The following HPGDS variants were observed in gnomAD, a reference collection of about 807,000 sequenced individuals.
The protein encoded by HPGDS is hematopoietic prostaglandin D synthase, also known as GST class-sigma.
In HPGDS, 26 loss-of-function variants were observed where a neutral mutation model predicts 23.1. That is an observed-to-expected ratio of 1.13 (90% CI 0.83 to 1.56). The LOEUF is 1.56. HPGDS is among the 40% of genes most tolerant of loss of function. HPGDS has a pLI of 0.00. For synonymous variants in HPGDS, 95 were observed against 77.9 expected (o/e 1.22, Z -1.16); for missense variants, 268 against 236.4 (o/e 1.13, Z -0.88).
chr4:94,327,199 C>CAA, intron 2 of HPGDS, among the ~76,000 whole-genome samples: 1 of 151,994 alleles, frequency 6.6e-6, no homozygotes, highest in Admixed American at 6.6e-5. Context: ...GCTTGTGAGT[C>CAA]CCAATGACAG....
At chr4:94,311,517 A>G (rs1235310468) in intron 3 of HPGDS, among the ~76,000 whole-genome samples, 1 of 151,152 alleles carries the variant, frequency 6.6e-6, no homozygotes, top group Non-Finnish European at 1.5e-5. Context: ...AAGGTTTTTG[A>G]TGTGTTGCTG....
chr4:94,310,711 A>G (rs1333243025), intron 3 of HPGDS, among the ~76,000 whole-genome samples: 1 of 152,164 alleles, frequency 6.6e-6, no homozygotes, highest in South Asian at 2.1e-4. Flanking sequence ...CACTAAATCT[A>G]TAAATTACCT....
intron 2 of HPGDS, among the ~76,000 whole-genome samples, chr4:94,326,567 T>C (rs1265504575): frequency 6.6e-6 from 1 of 152,158 alleles, no homozygotes; most frequent in Non-Finnish European, 1.5e-5. Context: ...ATTTTTTTTA[T>C]AATATCTATC....
intron 3 of HPGDS, among the ~76,000 whole-genome samples, chr4:94,313,645 T>C (rs1340910159): frequency 1.3e-5 from 2 of 152,178 alleles, no homozygotes; most frequent in African/African-American, 2.4e-5. Flanking sequence ...GGAGTATCTT[T>C]GTGGCGTTCT....
chr4:94,311,027 A>T (rs934311172), intron 3 of HPGDS, among the ~76,000 whole-genome samples: 1 of 152,174 alleles, frequency 6.6e-6, no homozygotes, highest in Non-Finnish European at 1.5e-5. Context: ...CAGCTTAAGG[A>T]GATTTTTGGC....
At chr4:94,309,275 C>G (rs1756209695) in intron 3 of HPGDS, among the ~76,000 whole-genome samples, 1 of 148,220 alleles carries the variant, frequency 6.7e-6, no homozygotes, top group Non-Finnish European at 1.5e-5. Context: ...CCCGCCTCCC[C>G]CCACCCCACA....
At chr4:94,341,034 C>T (rs1721160378) in intron 1 of HPGDS, among the ~76,000 whole-genome samples, 1 of 151,358 alleles carries the variant, frequency 6.6e-6, no homozygotes, top group Non-Finnish European at 1.5e-5. Flanking sequence ...TTAGTAGAGA[C>T]GTGGTTTCGC....
chr4:94,316,669 C>A (rs990090221), intron 3 of HPGDS, among the ~76,000 whole-genome samples: 3 of 152,212 alleles, frequency 2.0e-5, no homozygotes, highest in Non-Finnish European at 4.4e-5. Flanking sequence ...TTCTTCTTCT[C>A]ATGCCATTTT....
At chr4:94,312,420 T>C (rs1429737531) in intron 3 of HPGDS, among the ~76,000 whole-genome samples, 3 of 152,214 alleles carry the variant, frequency 2.0e-5, no homozygotes, top group Non-Finnish European at 4.4e-5. Context: ...CAGGAGCAGG[T>C]TGTTCAGTTT....
intron 2 of HPGDS, among the ~76,000 whole-genome samples, chr4:94,328,989 A>G (rs1044608054): frequency 6.6e-6 from 1 of 152,216 alleles, no homozygotes; most frequent in Non-Finnish European, 1.5e-5. Context: ...CCTTTAAGTA[A>G]TGAGTGTCCC....
At chr4:94,336,560 A>C (rs529368242) in intron 1 of HPGDS, among the ~76,000 whole-genome samples, 2 of 152,360 alleles carry the variant, frequency 1.3e-5, no homozygotes, top group African/African-American at 4.8e-5. Context: ...TTCACCGCAT[A>C]TATAGATATG....
At chr4:94,336,969 C>A (rs76882292) in intron 1 of HPGDS, among the ~76,000 whole-genome samples, 4 of 91,632 alleles carry the variant, frequency 4.4e-5, no homozygotes, top group Admixed American at 3.0e-4. Context: ...CGTTTTGTTT[C>A]GTTTTGTTTT....
chr4:94,308,696 C>T lies in HPGDS; in HGVS notation c.274G>A (p.Val92Met). ...EMEQCHVDAIVDTLDDFMSCF... is the reference protein window; with the variant it reads ...EMEQCHVDAIMDTLDDFMSCF... ...GACATGAAATCATCCAGAGTGTCCA[C>T]AATAGCATCAACATGACATTGTTCC... is the stretch of plus-strand genomic sequence containing the variant. Residue 92 changes from valine to methionine, a missense_variant, in exon 4 of 6, where the codon GTG (valine) becomes ATG (methionine). Physicochemically the swap from Val to Met is conservative, Grantham distance 21. Coordinates refer to ENST00000295256, the MANE Select transcript of HPGDS (RefSeq NM_014485.3). 1 of 1,609,772 alleles carries T rather than the reference C, an allele frequency of 6.2e-7. No homozygotes were observed. The highest frequency in any genetic ancestry group is 8.5e-7 in the Non-Finnish European group (1 of 1,177,042).
rs984017026 is a variant in HPGDS at position 94,312,738 on chromosome 4, G to T, written c.227-3995C>A. Among the ~76,000 whole-genome samples, 3 of 152,250 alleles carry T rather than the reference G, an allele frequency of 2.0e-5. No homozygotes were observed. In the East Asian group the frequency reaches 5.8e-4, roughly 29 times the overall value. The stretch of plus-strand genomic sequence containing the variant: ...TGATCTGTCTAATGTTGACAGTGGG[G>T]TGTTAAAATCTCCCATTATTGTATG... On this transcript the variant is annotated intron_variant, in intron 3 of 5. Coordinates refer to ENST00000295256, the MANE Select transcript of HPGDS (RefSeq NM_014485.3).
intron 2 of HPGDS, among the ~76,000 whole-genome samples, chr4:94,322,019 G>T (rs548842673): frequency 6.6e-6 from 1 of 151,996 alleles, no homozygotes; most frequent in South Asian, 2.1e-4. Flanking sequence ...CTATTGAGAC[G>T]ATCATGTGGT....
intron 5 of HPGDS, among the ~76,000 whole-genome samples, chr4:94,301,078 G>T (rs1756031803): frequency 6.6e-6 from 1 of 152,094 alleles, no homozygotes; most frequent in South Asian, 2.1e-4. Context: ...GGCTATGAGG[G>T]GAGTCAGAAG....
At chr4:94,304,768 G>A (rs1756109007) in intron 4 of HPGDS, among the ~76,000 whole-genome samples, 1 of 151,968 alleles carries the variant, frequency 6.6e-6, no homozygotes, top group African/African-American at 2.4e-5. Flanking sequence ...TTTTGGAATT[G>A]GTGGTATGTA....
rs1938392584 is a variant in HPGDS, at chr4:94,298,978, T to C, written c.*502A>G. 6.6e-6 allele frequency: 1 copy of C among 152,500 alleles called. No homozygotes were observed. The highest frequency in any genetic ancestry group is 6.5e-5 in the Admixed American group (1 of 15,298). 9.4% of individuals were successfully genotyped at this position (152,500 alleles called of 1,614,324 possible). On this transcript the variant is annotated 3_prime_UTR_variant, in exon 6 of 6. Transcript: ENST00000295256. ...GCAATAGCAATACAACTACACACTTTGCTATCTATGCAGGAATAACAGATG... is the reference window on the plus strand; with the variant it reads ...GCAATAGCAATACAACTACACACTTCGCTATCTATGCAGGAATAACAGATG...
intron 2 of HPGDS, among the ~76,000 whole-genome samples, chr4:94,332,074 C>T (rs1394837025): frequency 1.3e-5 from 2 of 152,074 alleles, no homozygotes; most frequent in East Asian, 3.9e-4. Context: ...CCTATAAATA[C>T]TTCAGACTCA....
Sources: gnomAD v4.1 joint callset for allele counts (sites outside exome capture counted in the v4.1 genomes callset) on GRCh38, gnomAD v4.1.1 for gene constraint, MANE v1.5 for transcripts, NCBI Gene and HGNC (gene_info 2026-07-23, HGNC 2026-07-21) for gene names.